The following NCOR1 variants were observed in gnomAD, a reference collection of about 807,000 sequenced individuals.
NCOR1 encodes the protein protein phosphatase 1, regulatory subunit 109.
Under a neutral mutation model 288.1 loss-of-function variants are expected in NCOR1, and 63 were observed. The observed-to-expected ratio is 0.22, with a 90% confidence interval of 0.18 to 0.27. The LOEUF is 0.27. Ranked by LOEUF, NCOR1 falls within the 10% of genes least tolerant of loss-of-function variation. The pLI, the probability that NCOR1 is intolerant of heterozygous loss-of-function variation, is 1.00. For synonymous variants in NCOR1, 1,007 were observed against 1,065.9 expected (o/e 0.94, Z 1.08); for missense variants, 2,397 against 3,019.2 (o/e 0.79, Z 4.83).
rs758144713 is a variant in NCOR1 at position 16,039,463 on chromosome 17, T to C, written c.6925A>G (p.Arg2309Gly). Residue 2309 changes from arginine to glycine, a missense_variant, in exon 44 of 46, where the codon AGA becomes GGA. Around this residue, in one of 11 missense-constraint regions of NCOR1, gnomAD observed 1,872 missense variants for 2,187.8 expected, o/e 0.86. Transcript: ENST00000268712. ...TSVVTSGETR[R>G]EEGDPSPHSG... is the part of the protein sequence containing the mutation. ...TGAGGTGATGGGTCCCCTTCCTCTC[T>C]TCGTGTCTCACCACTGGTCACAACT... The C allele has an allele frequency of 1.9e-6, 3 of 1,614,032 alleles. No homozygotes were observed. The highest frequency in any genetic ancestry group is 2.5e-6 in the Non-Finnish European group (3 of 1,179,992).
intron 1 of NCOR1, among the ~76,000 whole-genome samples, chr17:16,205,444 G>A (rs775165531): frequency 6.6e-6 from 1 of 151,384 alleles, no homozygotes; most frequent in African/African-American, 2.4e-5. Context: ...CTAACATGGT[G>A]AAACCCCATC....
chr17:16,156,387 G>C (rs973372178), intron 6 of NCOR1, among the ~76,000 whole-genome samples: 3 of 150,540 alleles, frequency 2.0e-5, no homozygotes, highest in Non-Finnish European at 4.4e-5. Flanking sequence ...AGTGAGCTGA[G>C]ATTGCGCCAC....
chr17:16,129,040 G>A (rs903617278), intron 14 of NCOR1, among the ~76,000 whole-genome samples: 7 of 152,162 alleles, frequency 4.6e-5, no homozygotes, highest in Non-Finnish European at 1.0e-4. Context: ...ACATATAAGT[G>A]ATTGCATCAC....
intron 22 of NCOR1, among the ~76,000 whole-genome samples, chr17:16,091,196 T>C (rs979772317): frequency 1.3e-5 from 2 of 152,260 alleles, no homozygotes; most frequent in African/African-American, 2.4e-5. Context: ...TAGTATCTAC[T>C]GTGTATATAC....
rs138963913 is a variant in NCOR1, at chr17:16,205,906, T to C, written c.-71+9456A>G. Among the ~76,000 whole-genome samples, 747 of 135,136 alleles carry C rather than the reference T, an allele frequency of 5.5e-3. 8 individuals are homozygous for C. Among genetic ancestry groups the C allele is most frequent in the African/African-American group, 0.02 (701 of 35,618 alleles). 88.7% of individuals were successfully genotyped at this position (135,136 alleles called of 152,430 possible). A position where few individuals can be genotyped will look rare whatever the true frequency, so the allele number is the denominator to read the frequency against. ...GAGCTGAGATCAAGCCATTGCACTCTAGCCTGGGCAACAAGAGCGATACTC... is the reference window on the plus strand; with the variant it reads ...GAGCTGAGATCAAGCCATTGCACTCCAGCCTGGGCAACAAGAGCGATACTC... On this transcript the variant is annotated intron_variant, in intron 1 of 45. Coordinates refer to ENST00000268712, the MANE Select transcript of NCOR1 (RefSeq NM_006311.4).
chr17:16,061,374 T>C, intron 37 of NCOR1, 27 bp downstream of exon 37: 1 of 1,600,336 alleles, frequency 6.2e-7, no homozygotes. Context: ...AGACATCACA[T>C]TGTGAAACTC....
chr17:16,064,982 T>C lies in NCOR1; in HGVS notation c.4989A>G (p.Leu1663=). Residue 1663 remains leucine, a synonymous_variant, in exon 34 of 46, where the codon TTA becomes TTG. Transcript: ENST00000268712. ...IDLTNMPPTI[L]VPHPGGTSTP... is the part of the protein sequence containing the mutation. The stretch of plus-strand genomic sequence containing the variant: ...TGCTTGTTCCCCCTGGATGAGGCAC[T>C]AAAATTGTTGGAGGCATATTGGTCA... 6.2e-7 allele frequency: 1 copy of C among 1,613,974 alleles called. No individual in the cohort carries two copies. Among genetic ancestry groups the C allele is most frequent in the Non-Finnish European group, 8.5e-7 (1 of 1,179,876 alleles).
At chr17:16,096,333 T>C (rs1454258174) in intron 21 of NCOR1, among the ~76,000 whole-genome samples, 1 of 151,802 alleles carries the variant, frequency 6.6e-6, no homozygotes, top group Non-Finnish European at 1.5e-5. Context: ...AAAAGAACAA[T>C]ACCCAAGATT....
At chr17:16,189,090 AT>A (rs887538916) in intron 2 of NCOR1, among the ~76,000 whole-genome samples, 2 of 151,978 alleles carry the variant, frequency 1.3e-5, no homozygotes, top group African/African-American at 4.8e-5. Context: ...ATAAAAAAAA[AT>A]AACAACAGAA....
rs545066834 is a variant in NCOR1 at position 16,131,212 on chromosome 17, T to A, written c.1510-5006A>T. On this transcript the variant is annotated intron_variant, in intron 14 of 45. Coordinates refer to ENST00000268712, the MANE Select transcript of NCOR1 (RefSeq NM_006311.4). ...TTTTTCAGTTTTTTAACTTTTTGTA[T>A]AAATTTTTAAAGTTTTTGTCCAGGC... 1.1e-4 allele frequency among the ~76,000 whole-genome samples: 17 copies of A among 150,260 alleles called. No homozygotes were observed. In the South Asian group the frequency reaches 3.4e-3, roughly 30 times the overall value.
chr17:16,040,142 T>G (rs1038626396), intron 43 of NCOR1: 8 of 529,920 alleles, frequency 1.5e-5, no homozygotes, highest in Admixed American at 2.2e-5. Context: ...GTTTCCCAAG[T>G]GAATCAGTCA....
At chr17:16,194,338 A>G in intron 2 of NCOR1, 124 bp downstream of exon 2, 1 of 527,784 alleles carries the variant, frequency 1.9e-6, no homozygotes, top group African/African-American at 1.9e-5. Context: ...CTTTGTAAAT[A>G]GCTCTTGCAA....
chr17:16,153,344 C>G lies in NCOR1; in HGVS notation c.784G>C (p.Glu262Gln), dbSNP rs2153390228. Residue 262 changes from glutamate to glutamine, a missense_variant, in exon 7 of 46, where the codon GAA becomes CAA. Transcript: ENST00000268712. ...KIFEGLGPKV[E>Q]LPLYNQPSDT... ...AAATGAAAAAATTTACTTACCAGTTCAACTTTTGGGCCAAGACCTTCAAAA... is the reference window on the plus strand; with the variant it reads ...AAATGAAAAAATTTACTTACCAGTTGAACTTTTGGGCCAAGACCTTCAAAA... 2 of 1,586,578 alleles carry G rather than the reference C, an allele frequency of 1.3e-6. No individual in the cohort carries two copies. The highest frequency in any genetic ancestry group is 1.4e-5 in the African/African-American group (1 of 73,450).
chr17:16,171,878 C>A lies in NCOR1; in HGVS notation c.360G>T (p.Gln120His). The A allele has an allele frequency of 6.2e-7, 1 of 1,613,542 alleles. No homozygotes were observed. ...RLEQVSDSHF[Q>H]RVSAAVLPLV... ...AAGGCAAAACCGCAGCACTGACACG[C>A]TGAAAATGAGAATCAGAAACCTGTT... Residue 120 changes from glutamine to histidine, a missense_variant, in exon 4 of 46, where the codon CAG becomes CAT. This residue lies in a region of NCOR1 where 110 missense variants were observed against 123.2 expected (regional missense o/e 0.89). Coordinates refer to ENST00000268712, the MANE Select transcript of NCOR1 (RefSeq NM_006311.4).
At chr17:16,192,840 T>C (rs1183199023) in intron 2 of NCOR1, among the ~76,000 whole-genome samples, 3 of 152,126 alleles carry the variant, frequency 2.0e-5, no homozygotes, top group Admixed American at 6.6e-5. Flanking sequence ...AAACAAATTG[T>C]GGTATACCCA....
chr17:16,136,968 G>A (rs1196065668), intron 14 of NCOR1, among the ~76,000 whole-genome samples: 1 of 152,012 alleles, frequency 6.6e-6, no homozygotes, highest in African/African-American at 2.4e-5. Context: ...CCCCTCCTCA[G>A]ATAAACAGAC....
Position 16,029,373 on chromosome 17 carries a change from T to G in NCOR1, c.*2923A>C. The G allele has an allele frequency of 2.9e-6, 1 of 350,210 alleles. No homozygotes were observed. Among genetic ancestry groups the G allele is most frequent in the Non-Finnish European group, 5.6e-6 (1 of 178,178 alleles). The allele number at this position is 350,210 out of a possible 1,614,324, so 21.7% of individuals were successfully genotyped here. On this transcript the variant is annotated 3_prime_UTR_variant, in exon 46 of 46. Transcript: ENST00000268712. ...GGTCTAAATTCAAAAGTGAATTGGT[T>G]AAAATCGTGTCATTAAAATTTTTTA...
chr17:16,123,341 C>T (rs557014432), intron 15 of NCOR1, among the ~76,000 whole-genome samples: 2 of 152,230 alleles, frequency 1.3e-5, no homozygotes, highest in Non-Finnish European at 2.9e-5. Flanking sequence ...ACTAATTTTA[C>T]CATCTCTATT....
Position 16,118,632 on chromosome 17 carries a change from A to C in NCOR1, c.1916-605T>G, listed in dbSNP as rs576351219. Among the ~76,000 whole-genome samples the C allele has an allele frequency of 1.4e-4, 22 of 152,326 alleles. No homozygotes were observed. The South Asian group carries it at 3.9e-3, about 27-fold the overall frequency. ...ACATACGTGCAAAGAATATGTATCTATGCATTTGTATACATATATAAGGGG... is the reference window on the plus strand; with the variant it reads ...ACATACGTGCAAAGAATATGTATCTCTGCATTTGTATACATATATAAGGGG... On this transcript the variant is annotated intron_variant, in intron 17 of 45. Coordinates refer to ENST00000268712, the MANE Select transcript of NCOR1 (RefSeq NM_006311.4).
Sources: allele counts gnomAD v4.1 joint callset (sites outside exome capture counted in the v4.1 genomes callset), GRCh38; gene constraint gnomAD v4.1.1; regional missense constraint gnomAD v4.1.1; transcripts MANE v1.5; gene names NCBI Gene and HGNC (gene_info 2026-07-23, HGNC 2026-07-21).